Variants in NAALADL2 observed in about 807,000 individuals in gnomAD.
NAALADL2 encodes inactive N-acetylated-alpha-linked acidic dipeptidase-like protein 2.
Under a neutral mutation model 87.2 loss-of-function variants are expected in NAALADL2, and 76 were observed. The ratio of observed to expected loss-of-function variants is 0.87; its 90% confidence interval spans 0.72 to 1.05. The LOEUF is 1.05. NAALADL2 is among the 50% of genes least tolerant of loss of function. The pLI, the probability that NAALADL2 is intolerant of heterozygous loss-of-function variation, is 0.00. For synonymous variants in NAALADL2, 354 were observed against 331.0 expected (o/e 1.07, Z -0.75); for missense variants, 1,089 against 945.8 (o/e 1.15, Z -1.99).
At chr3:174,746,095 G>T (rs556262677) in intron 3 of NAALADL2, among the ~76,000 whole-genome samples, 17 of 152,168 alleles carry the variant, frequency 1.1e-4, no homozygotes, top group Non-Finnish European at 1.6e-4. Context: ...TCAGGTAAGA[G>T]AAAGAAATAA....
At chr3:174,908,909 G>T (rs1733323831) in intron 1 of NAALADL2, among the ~76,000 whole-genome samples, 1 of 151,908 alleles carries the variant, frequency 6.6e-6, no homozygotes, top group African/African-American at 2.4e-5. Context: ...AAGAGGGATG[G>T]CTATAGCAAC....
intron 1 of NAALADL2, among the ~76,000 whole-genome samples, chr3:174,914,784 G>A (rs997058661): frequency 1.3e-5 from 2 of 152,122 alleles, no homozygotes; most frequent in African/African-American, 4.8e-5. Context: ...CAGTCAGAAA[G>A]GAGTTTGGAG....
intron 3 of NAALADL2, among the ~76,000 whole-genome samples, chr3:174,774,344 C>A (rs971214392): frequency 4.1e-4 from 62 of 152,166 alleles, no homozygotes; most frequent in Admixed American, 3.9e-3. Flanking sequence ...ACGTGCAAAT[C>A]TGCTGGCTAA....
At chr3:174,587,923 G>A (rs917984134) in intron 2 of NAALADL2, among the ~76,000 whole-genome samples, 1 of 152,106 alleles carries the variant, frequency 6.6e-6, no homozygotes, top group Non-Finnish European at 1.5e-5. Flanking sequence ...ATGTTGGCCT[G>A]CCTTCCTAGG....
intron 4 of NAALADL2, among the ~76,000 whole-genome samples, chr3:175,264,492 A>G (rs1268210983): frequency 1.3e-5 from 2 of 151,844 alleles, no homozygotes; most frequent in Non-Finnish European, 3.0e-5. Context: ...AATCCATTAC[A>G]GACAAAGTAT....
At chr3:175,730,146 C>A (rs900955712) in intron 11 of NAALADL2, among the ~76,000 whole-genome samples, 2 of 151,656 alleles carry the variant, frequency 1.3e-5, no homozygotes, top group East Asian at 2.0e-4. Flanking sequence ...GCATTTATTG[C>A]AAATACAGTC....
intron 2 of NAALADL2, among the ~76,000 whole-genome samples, chr3:174,689,580 T>G (rs923636403): frequency 1.7e-4 from 26 of 152,044 alleles, no homozygotes; most frequent in Admixed American, 1.6e-3. Flanking sequence ...ATACCCTAGA[T>G]GAAAATCTCC....
At chr3:175,105,637 A>T (rs1003789098) in intron 2 of NAALADL2, among the ~76,000 whole-genome samples, 7 of 74,096 alleles carry the variant, frequency 9.4e-5, no homozygotes, top group African/African-American at 2.2e-4. Context: ...TTGAGAATAC[A>T]CACAGACACA....
chr3:174,625,122 A>G (rs1721439295), intron 2 of NAALADL2, among the ~76,000 whole-genome samples: 2 of 140,862 alleles, frequency 1.4e-5, no homozygotes, highest in Non-Finnish European at 3.0e-5. Flanking sequence ...GCAGTGGTAC[A>G]ATCATGGCTC....
At chr3:174,612,180 G>C (rs576747286) in intron 2 of NAALADL2, among the ~76,000 whole-genome samples, 85 of 152,202 alleles carry the variant, frequency 5.6e-4, no homozygotes, top group Middle Eastern at 3.4e-3. Flanking sequence ...GAGCTCCACT[G>C]TATGTTACTG....
chr3:174,917,733 A>G (rs1734600838), intron 1 of NAALADL2, among the ~76,000 whole-genome samples: 1 of 147,716 alleles, frequency 6.8e-6, no homozygotes, highest in Admixed American at 6.8e-5. Context: ...TCTATTTGTT[A>G]TTTTTTTTTT....
intron 9 of NAALADL2, among the ~76,000 whole-genome samples, chr3:175,523,147 C>T (rs1465034540): frequency 1.3e-5 from 2 of 152,116 alleles, no homozygotes; most frequent in Non-Finnish European, 2.9e-5. Context: ...TCTCTAGAGA[C>T]ATAGTTATCA....
intron 1 of NAALADL2, among the ~76,000 whole-genome samples, chr3:174,989,176 C>T (rs1162116981): frequency 6.6e-6 from 1 of 152,184 alleles, no homozygotes; most frequent in Non-Finnish European, 1.5e-5. Flanking sequence ...AAAGACCTGT[C>T]CCCATGACTC....
intron 9 of NAALADL2, among the ~76,000 whole-genome samples, chr3:175,501,092 G>T (rs1483864301): frequency 6.6e-6 from 1 of 152,050 alleles, no homozygotes; most frequent in Non-Finnish European, 1.5e-5. Flanking sequence ...CATAGAAGAG[G>T]ATTTTATAGG....
rs1334480917 is a variant in NAALADL2, at chr3:175,806,982, C to T, written c.*3779C>T. The T allele has an allele frequency of 2.6e-5, 4 of 151,588 alleles. No homozygotes were observed. Among genetic ancestry groups the T allele is most frequent in the Non-Finnish European group, 5.9e-5 (4 of 67,790 alleles). The allele number at this position is 151,588 out of a possible 1,614,324, so 9.4% of individuals were successfully genotyped here. ...GGTATAATAAAGGAGTTTGAAGAAA[C>T]AAATGACATCATTCCTGATGATGGT... is the stretch of plus-strand genomic sequence containing the variant. On this transcript the variant is annotated 3_prime_UTR_variant, in exon 14 of 14. Coordinates refer to ENST00000454872, the MANE Select transcript of NAALADL2 (RefSeq NM_207015.3).
At chr3:175,085,021 G>A (rs933213055) in intron 1 of NAALADL2, among the ~76,000 whole-genome samples, 2 of 152,136 alleles carry the variant, frequency 1.3e-5, no homozygotes, top group African/African-American at 4.8e-5. Flanking sequence ...TATGGGAAAA[G>A]GTCATACTAC....
intron 5 of NAALADL2, among the ~76,000 whole-genome samples, chr3:175,413,918 A>G (rs1301285278): frequency 1.3e-5 from 2 of 152,192 alleles, no homozygotes; most frequent in Admixed American, 1.3e-4. Flanking sequence ...TGTTGTCCCC[A>G]TTTAGAACTG....
At chr3:175,627,419 A>G in intron 11 of NAALADL2, 33 bp downstream of exon 11, 1 of 1,356,846 alleles carries the variant, frequency 7.4e-7, no homozygotes, top group South Asian at 1.3e-5. Context: ...AATAGGTGAG[A>G]AATATTTGTT....
At chr3:175,279,203 T>C (rs1753967175) in intron 4 of NAALADL2, among the ~76,000 whole-genome samples, 1 of 152,194 alleles carries the variant, frequency 6.6e-6, no homozygotes, top group African/African-American at 2.4e-5. Flanking sequence ...AATCTTGGAT[T>C]CATTTTATAT....
Sources: gnomAD v4.1 joint callset for allele counts (sites outside exome capture counted in the v4.1 genomes callset) on GRCh38, gnomAD v4.1.1 for gene constraint, MANE v1.5 for transcripts, NCBI Gene and HGNC (gene_info 2026-07-23, HGNC 2026-07-21) for gene names.